The following PTPN4 variants were observed in gnomAD, a reference collection of about 807,000 sequenced individuals.
PTPN4 encodes tyrosine-protein phosphatase non-receptor type 4.
A neutral mutation model predicts 135.5 loss-of-function variants in PTPN4; 49 were observed. The observed-to-expected ratio is 0.36, with a 90% confidence interval of 0.29 to 0.46. The LOEUF (loss-of-function observed/expected upper bound fraction) is 0.46, where lower values mean the gene tolerates loss of function less well. Among genes scored for constraint, PTPN4 ranks in the 20% least tolerant of loss-of-function variants. PTPN4 has a pLI of 1.00. For missense variants in PTPN4, 860 were observed against 1,101.0 expected (o/e 0.78, Z 3.10); for synonymous variants, 333 against 369.9 (o/e 0.90, Z 1.14).
chr2:119,879,866 C>CATAT, intron 5 of PTPN4, among the ~76,000 whole-genome samples: 1 of 151,992 alleles, frequency 6.6e-6, no homozygotes, highest in South Asian at 2.1e-4. Context: ...AATTCTTTCT[C>CATAT]AGTTTTTAGC....
At chr2:119,784,727 G>A (rs1301150060) in intron 1 of PTPN4, among the ~76,000 whole-genome samples, 2 of 119,980 alleles carry the variant, frequency 1.7e-5, no homozygotes, top group African/African-American at 6.6e-5. Context: ...TTGTAGAGAT[G>A]GGGTTTTGCT....
At chr2:119,796,736 C>A (rs949310960) in intron 1 of PTPN4, among the ~76,000 whole-genome samples, 1 of 152,088 alleles carries the variant, frequency 6.6e-6, no homozygotes, top group Non-Finnish European at 1.5e-5. Flanking sequence ...GGAATATGTT[C>A]AATTTTGTAA....
intron 24 of PTPN4, among the ~76,000 whole-genome samples, chr2:119,964,496 T>G (rs1391896979): frequency 6.6e-6 from 1 of 152,262 alleles, no homozygotes; most frequent in African/African-American, 2.4e-5. Flanking sequence ...TTCCATAATT[T>G]CATCTGCATT....
chr2:119,808,695 G>A (rs1691527033), intron 1 of PTPN4, among the ~76,000 whole-genome samples: 1 of 152,068 alleles, frequency 6.6e-6, no homozygotes, highest in South Asian at 2.1e-4. Context: ...TGGGATTACA[G>A]TCATGAGCCA....
At chr2:119,908,907 A>C (rs925489623) in intron 10 of PTPN4, among the ~76,000 whole-genome samples, 1 of 152,184 alleles carries the variant, frequency 6.6e-6, no homozygotes, top group African/African-American at 2.4e-5. Context: ...AGAGTATCTT[A>C]GTGGTGTGGA....
chr2:119,962,879 G>T, intron 24 of PTPN4, 135 bp downstream of exon 24: 1 of 674,632 alleles, frequency 1.5e-6, no homozygotes. Flanking sequence ...CTGCTTTAAT[G>T]GGGTACTTTG....
At chr2:119,951,133 A>G (rs1282718279) in intron 18 of PTPN4, among the ~76,000 whole-genome samples, 1 of 152,218 alleles carries the variant, frequency 6.6e-6, no homozygotes, top group Non-Finnish European at 1.5e-5. Flanking sequence ...AATGAGCTTC[A>G]TTTCTTGCCT....
At position 119,952,149 on chromosome 2, in the gene PTPN4, C is replaced by T. The variant is rs1679220005; in HGVS notation, c.1813+20C>T. On this transcript the variant is annotated intron_variant, in intron 19 of 26. Transcript: ENST00000263708. Reference sequence around the variant, plus strand: ...CTAATGGTGAGTACTCTATGTAGTACCAGATAATTTATAGTAATTTATTAC... The same window carrying T: ...CTAATGGTGAGTACTCTATGTAGTATCAGATAATTTATAGTAATTTATTAC... 1.9e-6 allele frequency: 3 copies of T among 1,592,706 alleles called. No individual in the cohort carries two copies. Among genetic ancestry groups the T allele is most frequent in the Non-Finnish European group, 2.6e-6 (3 of 1,164,398 alleles).
intron 18 of PTPN4, among the ~76,000 whole-genome samples, chr2:119,948,558 A>G (rs891266085): frequency 4.6e-5 from 7 of 152,162 alleles, no homozygotes; most frequent in Non-Finnish European, 8.8e-5. Context: ...GATATTAATT[A>G]TATGGTTTAT....
At chr2:119,901,205 G>A (rs866679803) in intron 10 of PTPN4, among the ~76,000 whole-genome samples, 1 of 152,258 alleles carries the variant, frequency 6.6e-6, no homozygotes, top group Middle Eastern at 3.4e-3. Flanking sequence ...AGGAGGGGTT[G>A]ACCTGAGAAG....
chr2:119,820,796 T>C (rs937420331), intron 2 of PTPN4, among the ~76,000 whole-genome samples: 5 of 151,740 alleles, frequency 3.3e-5, no homozygotes, highest in Non-Finnish European at 7.4e-5. Context: ...TTAATAATTA[T>C]GCTTCCAAAT....
intron 1 of PTPN4, among the ~76,000 whole-genome samples, chr2:119,803,576 C>G (rs1423921227): frequency 6.6e-6 from 1 of 152,050 alleles, no homozygotes; most frequent in Non-Finnish European, 1.5e-5. Flanking sequence ...TGTTTCTTAG[C>G]CCAGGATATG....
chr2:119,953,372 T>G (rs1309021993), intron 19 of PTPN4, among the ~76,000 whole-genome samples: 1 of 152,162 alleles, frequency 6.6e-6, no homozygotes, highest in African/African-American at 2.4e-5. Context: ...AAATAAAAAA[T>G]CCTCTTTGTA....
At chr2:119,973,652 C>CTTTTTTTTTTTTTTTTTT (rs1553481271) in intron 26 of PTPN4, among the ~76,000 whole-genome samples, 3 of 18,088 alleles carry the variant, frequency 1.7e-4, no homozygotes, top group African/African-American at 7.4e-4. Flanking sequence ...TCCTTCATTT[C>CTTTTTTTTTTTTTTTTTT]TTGTTTTTTT....
Position 119,976,199 on chromosome 2 carries a change from G to A in PTPN4, c.2695-785G>A, listed in dbSNP as rs1163281162. ...TTTTTAGTAGAGACGGGGTTTCACC[G>A]TGTTAGCCAGGATGGTCTCGATCTC... is the stretch of plus-strand genomic sequence containing the variant. On this transcript the variant is annotated intron_variant, in intron 26 of 26. Coordinates refer to ENST00000263708, the MANE Select transcript of PTPN4 (RefSeq NM_002830.4). 9.2e-5 allele frequency among the ~76,000 whole-genome samples: 14 copies of A among 151,688 alleles called. No individual in the cohort carries two copies. In the East Asian group the frequency reaches 1.2e-3, roughly 13 times the overall value.
intron 11 of PTPN4, among the ~76,000 whole-genome samples, chr2:119,918,789 G>C (rs914564983): frequency 1.3e-5 from 2 of 152,190 alleles, no homozygotes; most frequent in African/African-American, 4.8e-5. Context: ...ACAGGAATAT[G>C]CATGGCTGCA....
At chr2:119,852,012 C>G (rs1377645024) in intron 2 of PTPN4, among the ~76,000 whole-genome samples, 1 of 152,162 alleles carries the variant, frequency 6.6e-6, no homozygotes, top group Non-Finnish European at 1.5e-5. Flanking sequence ...AGGTTTTGGT[C>G]TGTGAGGAAT....
At chr2:119,903,425 T>C (rs3106242) in intron 10 of PTPN4, among the ~76,000 whole-genome samples, 57,723 of 151,630 alleles carry the variant, frequency 0.38, 12,922 homozygotes, top group African/African-American at 0.63. Context: ...AACCTAGAGA[T>C]TGACCCACTT....
At chr2:119,896,998 G>A (rs1466141795) in intron 9 of PTPN4, among the ~76,000 whole-genome samples, 1 of 152,158 alleles carries the variant, frequency 6.6e-6, no homozygotes, top group Non-Finnish European at 1.5e-5. Context: ...TCGGCTCACT[G>A]CAACCTTCGC....
Sources: allele counts gnomAD v4.1 joint callset (sites outside exome capture counted in the v4.1 genomes callset), GRCh38; gene constraint gnomAD v4.1.1; transcripts MANE v1.5; gene names NCBI Gene and HGNC (gene_info 2026-07-23, HGNC 2026-07-21).